The following BBS4 variants were observed in gnomAD, a reference collection of about 807,000 sequenced individuals.
BBS4 encodes the protein Bardet-Biedl syndrome 4.
BBS4 carries 58 observed loss-of-function variants against 71.4 expected under a neutral mutation model. That is an observed-to-expected ratio of 0.81 (90% CI 0.66 to 1.01). BBS4 has a LOEUF of 1.01. Ranked by LOEUF, BBS4 falls within the 50% of genes least tolerant of loss-of-function variation. BBS4 has a pLI of 0.00. For missense variants in BBS4, 660 were observed against 607.9 expected (o/e 1.09, Z -0.90); for synonymous variants, 228 against 216.8 (o/e 1.05, Z -0.46).
Position 72,731,713 on chromosome 15 carries a change from C to T in BBS4, c.1023C>T (p.Tyr341=), listed in dbSNP as rs1377148132. 3.1e-6 allele frequency: 5 copies of T among 1,614,090 alleles called. No individual in the cohort carries two copies. The African/African-American group carries it at 4.0e-5, about 13-fold the overall frequency. ...INFQPKMGEL[Y]MLLAVALTNL... is the part of the protein sequence containing the mutation. The stretch of plus-strand genomic sequence containing the variant: ...TCCAGCCAAAGATGGGGGAGCTCTA[C>T]ATGCTCTTGGCAGGTAAGAAACATT... The change falls in exon 12 of 16, where the codon TAC becomes TAT. Residue 341 remains tyrosine (Y), a synonymous_variant. Transcript: ENST00000268057.
chr15:72,716,718 A>G (rs954508179), intron 5 of BBS4, 60 bp from the exon 6 acceptor site: 6 of 1,160,084 alleles, frequency 5.2e-6, no homozygotes, highest in Non-Finnish European at 7.7e-6. Context: ...ATGTGGGACT[A>G]GTAGGGTTAG....
At chr15:72,721,214 C>T (rs1314627514) in intron 6 of BBS4, among the ~76,000 whole-genome samples, 5 of 152,152 alleles carry the variant, frequency 3.3e-5, no homozygotes, top group South Asian at 2.1e-4. Context: ...GAAATTTTAA[C>T]GTAATTGAAT....
intron 8 of BBS4, among the ~76,000 whole-genome samples, chr15:72,727,558 AG>A (rs2065726492): frequency 1.3e-5 from 2 of 152,188 alleles, no homozygotes; most frequent in African/African-American, 2.4e-5. Flanking sequence ...CAATGAGGAT[AG>A]AAAAAAAATT....
intron 2 of BBS4, among the ~76,000 whole-genome samples, chr15:72,701,493 A>G (rs2065167858): frequency 6.6e-6 from 1 of 152,180 alleles, no homozygotes; most frequent in Non-Finnish European, 1.5e-5. Flanking sequence ...ACCAGGAAGG[A>G]TATATTTAGG....
At chr15:72,732,451 A>G (rs2065843766) in intron 12 of BBS4, among the ~76,000 whole-genome samples, 1 of 152,116 alleles carries the variant, frequency 6.6e-6, no homozygotes, top group Non-Finnish European at 1.5e-5. Context: ...CTTTCTAGGA[A>G]TTTTTTTCTC....
In BBS4 at chr15:72,726,793, C is replaced by T. The variant is rs1335958056; in HGVS notation, c.588-1147C>T. Among the ~76,000 whole-genome samples the T allele has an allele frequency of 2.0e-5, 3 of 152,214 alleles. No individual in the cohort carries two copies. The East Asian group carries it at 5.8e-4, about 29-fold the overall frequency. The stretch of plus-strand genomic sequence containing the variant: ...GCTAGGTAGTAGCCCTGATCCCTGA[C>T]CCCTGCCTTCTAGAGGTTAGCTCTT... On this transcript the variant is annotated intron_variant, in intron 8 of 15. Coordinates refer to ENST00000268057, the MANE Select transcript of BBS4 (RefSeq NM_033028.5).
At chr15:72,724,774 G>A (rs1195005844) in intron 8 of BBS4, 119 bp downstream of exon 8, 1 of 1,381,806 alleles carries the variant, frequency 7.2e-7, no homozygotes, top group Admixed American at 2.0e-5. Context: ...TGAGTTAAAG[G>A]TTAAGCTGAA....
chr15:72,687,929 T>C (rs1266984549), intron 1 of BBS4, among the ~76,000 whole-genome samples: 2 of 147,806 alleles, frequency 1.4e-5, no homozygotes, highest in South Asian at 2.1e-4. Context: ...CAAAACTCCG[T>C]CTCAGAAAAA....
chr15:72,703,350 T>C (rs1452431380), intron 2 of BBS4, among the ~76,000 whole-genome samples: 4 of 152,202 alleles, frequency 2.6e-5, no homozygotes, highest in Non-Finnish European at 2.9e-5. Flanking sequence ...GTTCTCTGCA[T>C]TAAAGTCCTT....
chr15:72,708,865 C>T (rs2065313623), intron 2 of BBS4, among the ~76,000 whole-genome samples: 1 of 152,128 alleles, frequency 6.6e-6, no homozygotes, highest in Admixed American at 6.6e-5. Flanking sequence ...GAAAAAACCC[C>T]ACCCTGGTAA....
intron 13 of BBS4, chr15:72,735,504 A>G (rs2065904234): frequency 1.9e-6 from 1 of 520,658 alleles, no homozygotes; most frequent in South Asian, 2.1e-5. Flanking sequence ...TTAATTCAAG[A>G]TAAAACTTGA....
At chr15:72,725,933 CCCTTCCCCCTTTCCCCTTCCT>C (rs1397616958) in intron 8 of BBS4, among the ~76,000 whole-genome samples, 12 of 6,314 alleles carry the variant, frequency 1.9e-3, no homozygotes, top group Non-Finnish European at 4.6e-3. Flanking sequence ...TCCCCCTTTC[CCCTTCCCCCTTTCCCCTTCCT>C]CCTTTCCCTT....
intron 6 of BBS4, among the ~76,000 whole-genome samples, chr15:72,721,611 G>A (rs760203603): frequency 2.0e-5 from 3 of 152,148 alleles, no homozygotes; most frequent in Non-Finnish European, 4.4e-5. Flanking sequence ...TAACATATAT[G>A]AAAACATCTG....
chr15:72,722,147 A>G (rs1016644847), intron 6 of BBS4, among the ~76,000 whole-genome samples: 2 of 152,228 alleles, frequency 1.3e-5, no homozygotes, highest in African/African-American at 4.8e-5. Context: ...GTTCCAATGA[A>G]TCTGTACTTA....
At chr15:72,687,249 G>A (rs2064873245) in intron 1 of BBS4, among the ~76,000 whole-genome samples, 1 of 150,584 alleles carries the variant, frequency 6.6e-6, no homozygotes, top group African/African-American at 2.4e-5. Flanking sequence ...CTCCGGATTA[G>A]CTGAGAATAC....
chr15:72,720,626 G>A (rs1335229906), intron 6 of BBS4, among the ~76,000 whole-genome samples: 3 of 152,140 alleles, frequency 2.0e-5, no homozygotes, highest in Admixed American at 2.0e-4. Flanking sequence ...GTTCTGTTAA[G>A]TAGGGAGAAT....
rs58644289 is a variant in BBS4 at position 72,688,411 on chromosome 15, C to CTTTTTTTTTTTT, written c.24+2169_24+2180dup. Among the ~76,000 whole-genome samples the CTTTTTTTTTTTT allele has an allele frequency of 5.3e-4, 44 of 83,046 alleles. 1 individual carries two copies. Among genetic ancestry groups the CTTTTTTTTTTTT allele is most frequent in the East Asian group, 1.6e-3 (3 of 1,908 alleles). 54.5% of individuals were successfully genotyped at this position (83,046 alleles called of 152,430 possible). A position where few individuals can be genotyped will look rare whatever the true frequency, so the allele number is the denominator to read the frequency against. Reference sequence around the variant, plus strand: ...GTCCTTTTAGGAAGTGGTATTTTATCTTTTTTTTTTTTTTTTTTTTGAGAC... The same window carrying CTTTTTTTTTTTT: ...GTCCTTTTAGGAAGTGGTATTTTATCTTTTTTTTTTTTTTTTTTTTTTTTTTTTTTTTGAGAC... On this transcript the variant is annotated intron_variant, in intron 1 of 15. Transcript: ENST00000268057.
At chr15:72,719,058 T>G (rs541866210) in intron 6 of BBS4, among the ~76,000 whole-genome samples, 92 of 150,736 alleles carry the variant, frequency 6.1e-4, no homozygotes, top group South Asian at 1.3e-3. Context: ...AAAAAAAGAG[T>G]TTTTTACTTT....
intron 14 of BBS4, 42 bp downstream of exon 14, chr15:72,736,008 C>G: frequency 6.2e-7 from 1 of 1,611,738 alleles, no homozygotes; most frequent in African/African-American, 1.3e-5. Flanking sequence ...AGTAAGCTCT[C>G]AGGAGACTTT....
Sources: allele counts gnomAD v4.1 joint callset (sites outside exome capture counted in the v4.1 genomes callset), GRCh38; gene constraint gnomAD v4.1.1; transcripts MANE v1.5; gene names NCBI Gene and HGNC (gene_info 2026-07-23, HGNC 2026-07-21).